RORA: variants seen among roughly 807,000 people sequenced by gnomAD.
The protein encoded by RORA is RAR related orphan receptor A, also known as nuclear receptor ROR-alpha.
Under a neutral mutation model 69.5 loss-of-function variants are expected in RORA, and 7 were observed. That is an observed-to-expected ratio of 0.10 (90% CI 0.06 to 0.19). The LOEUF (loss-of-function observed/expected upper bound fraction) is 0.19. RORA is among the 10% of genes least tolerant of loss of function. The pLI, the probability that RORA is intolerant of heterozygous loss-of-function variation, is 1.00. For synonymous variants in RORA, 261 were observed against 240.8 expected (o/e 1.08, Z -0.78); for missense variants, 457 against 663.0 (o/e 0.69, Z 3.41).
chr15:60,721,770 AT>A (rs1442213199), intron 1 of RORA, among the ~76,000 whole-genome samples: 4 of 152,378 alleles, frequency 2.6e-5, no homozygotes, highest in African/African-American at 9.6e-5. Flanking sequence ...AGTCTTCTTT[AT>A]GAAAACAAAA....
At chr15:61,060,291 G>A (rs1461951393) in intron 1 of RORA, among the ~76,000 whole-genome samples, 1 of 152,078 alleles carries the variant, frequency 6.6e-6, no homozygotes, top group Non-Finnish European at 1.5e-5. Context: ...ACATGTCCCT[G>A]GTACTTGGAC....
intron 2 of RORA, among the ~76,000 whole-genome samples, chr15:60,555,385 T>C (rs947863587): frequency 2.2e-4 from 34 of 152,162 alleles, no homozygotes; most frequent in Non-Finnish European, 3.1e-4. Flanking sequence ...TCGACATATA[T>C]TGGTTTCAAG....
At chr15:60,824,074 G>A (rs138166875) in intron 1 of RORA, among the ~76,000 whole-genome samples, 27 of 152,272 alleles carry the variant, frequency 1.8e-4, no homozygotes, top group African/African-American at 3.9e-4. Context: ...CACACAGGCC[G>A]GTGGAATGCA....
intron 2 of RORA, among the ~76,000 whole-genome samples, chr15:60,612,265 C>T (rs2140586768): frequency 6.6e-6 from 1 of 151,392 alleles, no homozygotes; most frequent in East Asian, 1.9e-4. Flanking sequence ...CTTTTTTCCC[C>T]TGTGCCCTTG....
intron 1 of RORA, among the ~76,000 whole-genome samples, chr15:60,753,457 G>A (rs2071756185): frequency 6.6e-6 from 1 of 152,222 alleles, no homozygotes; most frequent in Non-Finnish European, 1.5e-5. Context: ...GCGGAACAGG[G>A]AAATAAAAAC....
At chr15:60,922,123 T>C (rs7166062) in intron 1 of RORA, among the ~76,000 whole-genome samples, 21,688 of 152,160 alleles carry the variant, frequency 0.14, 2,726 homozygotes, top group African/African-American at 0.34. Context: ...GAGAAATAAC[T>C]CTTTTAGAAA....
chr15:60,644,226 G>A (rs943461731), intron 2 of RORA, among the ~76,000 whole-genome samples: 3 of 152,266 alleles, frequency 2.0e-5, no homozygotes, highest in African/African-American at 7.2e-5. Flanking sequence ...ACCAGGGAAG[G>A]CTTCTGTGGA....
intron 1 of RORA, among the ~76,000 whole-genome samples, chr15:60,807,158 A>G (rs1197525778): frequency 2.6e-5 from 4 of 152,156 alleles, no homozygotes; most frequent in Admixed American, 2.6e-4. Flanking sequence ...TGTACCTAGA[A>G]AAACCTAAAG....
intron 1 of RORA, among the ~76,000 whole-genome samples, chr15:60,814,324 A>G (rs1001088953): frequency 3.9e-5 from 6 of 152,182 alleles, no homozygotes; most frequent in Admixed American, 1.3e-4. Flanking sequence ...AGCATGAATC[A>G]TATGCTAAGG....
intron 2 of RORA, among the ~76,000 whole-genome samples, chr15:60,591,739 G>C (rs1002746197): frequency 6.6e-5 from 10 of 152,240 alleles, no homozygotes; most frequent in Admixed American, 2.6e-4. Context: ...GAGCGTCTTG[G>C]CACGCTCGAG....
chr15:60,954,631 C>A lies in RORA; in HGVS notation c.166+274422G>T, dbSNP rs570073088. On this transcript the variant is annotated intron_variant, in intron 1 of 10. Transcript: ENST00000335670. Reference sequence around the variant, plus strand: ...CTGGATTTAACAAAAGTGAAAGAAGCCTGTTGCCAAAAACTTCAAGGGCAA... The same window carrying A: ...CTGGATTTAACAAAAGTGAAAGAAGACTGTTGCCAAAAACTTCAAGGGCAA... Among the ~76,000 whole-genome samples the A allele has an allele frequency of 5.6e-4, 85 of 151,380 alleles. 1 individual carries two copies. The highest frequency in any genetic ancestry group is 1.1e-3 in the Non-Finnish European group (73 of 67,370).
At chr15:60,662,379 A>G (rs1350805753) in intron 2 of RORA, among the ~76,000 whole-genome samples, 1 of 152,252 alleles carries the variant, frequency 6.6e-6, no homozygotes, top group Non-Finnish European at 1.5e-5. Flanking sequence ...AGACAGTAGC[A>G]AACTGTCAAA....
At chr15:60,624,473 T>C (rs1486451875) in intron 2 of RORA, among the ~76,000 whole-genome samples, 1 of 114,310 alleles carries the variant, frequency 8.7e-6, no homozygotes, top group South Asian at 2.8e-4. Flanking sequence ...ATTTGCTGCA[T>C]ATATATATAT....
At chr15:60,669,688 C>T (rs2070435801) in intron 2 of RORA, among the ~76,000 whole-genome samples, 2 of 152,166 alleles carry the variant, frequency 1.3e-5, no homozygotes, top group South Asian at 4.1e-4. Context: ...TTCTTGCTAC[C>T]CTTCCAGAGC....
In RORA at chr15:60,537,874, A is replaced by G. The variant is rs549313821; in HGVS notation, c.197-6023T>C. Among the ~76,000 whole-genome samples the G allele has an allele frequency of 1.2e-4, 18 of 152,348 alleles. No individual in the cohort carries two copies. The South Asian group carries it at 3.7e-3, about 32-fold the overall frequency. ...AAATAGAAAGCCCTACTCCTTCAGT[A>G]AGCAGTCTCGCAGTCATTTTTGGCA... On this transcript the variant is annotated intron_variant, in intron 2 of 10. Transcript: ENST00000335670. This position sits in a 1 kb window ranked among gnomAD's most constrained non-coding sequence, Gnocchi z 4.9.
chr15:60,819,330 A>G (rs1179144181), intron 1 of RORA, among the ~76,000 whole-genome samples: 2 of 152,206 alleles, frequency 1.3e-5, no homozygotes, highest in African/African-American at 4.8e-5. Flanking sequence ...ATAACACTAT[A>G]CAGACACACA....
chr15:61,065,277 T>A (rs2078241277), intron 1 of RORA, among the ~76,000 whole-genome samples: 1 of 152,216 alleles, frequency 6.6e-6, no homozygotes, highest in Non-Finnish European at 1.5e-5. Flanking sequence ...TCCTTGAAGG[T>A]GGGGGCCATA....
chr15:60,826,387 C>T (rs1360278541), intron 1 of RORA, among the ~76,000 whole-genome samples: 2 of 152,204 alleles, frequency 1.3e-5, no homozygotes. Flanking sequence ...GTGCTAAAAA[C>T]AACCCCTGTT....
intron 1 of RORA, among the ~76,000 whole-genome samples, chr15:60,835,673 C>G (rs1298942987): frequency 2.0e-5 from 3 of 152,282 alleles, no homozygotes; most frequent in East Asian, 1.9e-4. Flanking sequence ...GGTGTGGGAG[C>G]CTTGATCCAG....
Sources: allele counts gnomAD v4.1 joint callset (sites outside exome capture counted in the v4.1 genomes callset), GRCh38; gene constraint gnomAD v4.1.1; non-coding constraint Gnocchi (gnomAD v3.1); transcripts MANE v1.5; gene names NCBI Gene and HGNC (gene_info 2026-07-23, HGNC 2026-07-21).